The following ALMS1 variants were observed in gnomAD, a reference collection of about 807,000 sequenced individuals.
The protein encoded by ALMS1 is centrosome-associated protein ALMS1.
Under a neutral mutation model 352.2 loss-of-function variants are expected in ALMS1, and 271 were observed. The observed-to-expected ratio is 0.77, with a 90% CI of 0.70 to 0.85. ALMS1 has a LOEUF of 0.85. ALMS1 is among the 40% of genes least tolerant of loss of function. The pLI is 0.00. For synonymous variants in ALMS1, 1,865 were observed against 1,761.2 expected (o/e 1.06, Z -1.48); for missense variants, 5,445 against 4,870.7 (o/e 1.12, Z -3.51).
At chr2:73,422,064 A>G (rs1671294776) in intron 3 of ALMS1, among the ~76,000 whole-genome samples, 2 of 152,138 alleles carry the variant, frequency 1.3e-5, no homozygotes, top group South Asian at 4.1e-4. Flanking sequence ...GGTTATTGAT[A>G]TTTCCCACAT....
chr2:73,609,447 G>A, intron 22 of ALMS1, 121 bp from the exon 23 acceptor site: 1 of 943,672 alleles, frequency 1.1e-6, no homozygotes, highest in Non-Finnish European at 1.7e-6. Flanking sequence ...AGAGTAAAAT[G>A]AACAAGATTT....
In ALMS1 at chr2:73,455,120, A is replaced by T. The variant is rs185743307; in HGVS notation, c.7541-42A>T. On this transcript the variant is annotated intron_variant, in intron 8 of 22. Transcript: ENST00000613296. ...GTGTTGCAATTGTTGACAAATTATC[A>T]CTTTTGCATTGTATTATCTCAAGTG... The T allele has an allele frequency of 1.2e-4, 198 of 1,608,314 alleles. No individual in the cohort carries two copies. In the African/African-American group the frequency reaches 2.4e-3, roughly 19 times the overall value.
At chr2:73,600,596 A>T (rs1675655946) in intron 17 of ALMS1, 82 bp from the exon 18 acceptor site, 1 of 1,265,296 alleles carries the variant, frequency 7.9e-7, no homozygotes, top group African/African-American at 1.5e-5. Flanking sequence ...AACATTAAAA[A>T]GGGTTCACGT....
intron 10 of ALMS1, among the ~76,000 whole-genome samples, chr2:73,492,358 C>G (rs923310231): frequency 2.0e-5 from 3 of 152,186 alleles, no homozygotes; most frequent in Non-Finnish European, 4.4e-5. Flanking sequence ...TGCTATCCTA[C>G]TTAGTTCTCA....
intron 16 of ALMS1, among the ~76,000 whole-genome samples, chr2:73,582,627 C>T (rs186011213): frequency 1.3e-5 from 2 of 152,144 alleles, no homozygotes; most frequent in South Asian, 4.1e-4. Flanking sequence ...GCAGATTTGT[C>T]TTTTTGTGAC....
intron 1 of ALMS1, among the ~76,000 whole-genome samples, chr2:73,400,651 T>C (rs1438201405): frequency 6.6e-6 from 1 of 152,254 alleles, no homozygotes; most frequent in Non-Finnish European, 1.5e-5. Context: ...TCTATTTTTG[T>C]GTCAGATTTG....
At chr2:73,477,608 A>C (rs886545596) in intron 9 of ALMS1, among the ~76,000 whole-genome samples, 4 of 152,088 alleles carry the variant, frequency 2.6e-5, no homozygotes, top group African/African-American at 9.7e-5. Flanking sequence ...CTTTCAGTCC[A>C]TAAACATGAG....
chr2:73,405,450 A>G (rs1013951430), intron 1 of ALMS1, among the ~76,000 whole-genome samples: 1 of 151,840 alleles, frequency 6.6e-6, no homozygotes, highest in Non-Finnish European at 1.5e-5. Flanking sequence ...TCATTTCTGA[A>G]TTTAGTTATT....
At position 73,453,035 on chromosome 2, in the gene ALMS1, A is replaced by C; in HGVS notation, c.6508A>C (p.Ser2170Arg). 6.2e-7 allele frequency: 1 copy of C among 1,613,744 alleles called. No homozygotes were observed. Among genetic ancestry groups the C allele is most frequent in the Non-Finnish European group, 8.5e-7 (1 of 1,179,972 alleles). ...AACTGAAGATGCTCTAAAGATCTCA[A>C]GTGCTCTTGGGCAAGCTGATCAAAT... Reference protein sequence around the residue: ...HLTEDALKISSALGQADQITG... With the variant: ...HLTEDALKISRALGQADQITG... The change falls in exon 8 of 23, where the codon AGT (serine) becomes CGT (arginine). Residue 2170 changes from serine to arginine, a missense_variant. Coordinates refer to ENST00000613296, the MANE Select transcript of ALMS1 (RefSeq NM_001378454.1).
chr2:73,528,699 G>A (rs1372741788), intron 11 of ALMS1, among the ~76,000 whole-genome samples: 1 of 151,996 alleles, frequency 6.6e-6, no homozygotes, highest in Admixed American at 6.6e-5. Flanking sequence ...TATGTCTTTG[G>A]ATAGGAGGAT....
At chr2:73,416,428 T>C (rs1459858328) in intron 2 of ALMS1, among the ~76,000 whole-genome samples, 1 of 152,224 alleles carries the variant, frequency 6.6e-6, no homozygotes, top group East Asian at 1.9e-4. Flanking sequence ...CACATTTTTT[T>C]CTTTGCATGT....
intron 6 of ALMS1, among the ~76,000 whole-genome samples, chr2:73,426,911 T>C (rs1265606676): frequency 6.6e-6 from 1 of 152,272 alleles, no homozygotes; most frequent in Non-Finnish European, 1.5e-5. Flanking sequence ...AATTATATCC[T>C]TCAGTACCAG....
intron 12 of ALMS1, among the ~76,000 whole-genome samples, chr2:73,540,349 TA>T (rs1558686692): frequency 1.3e-5 from 2 of 152,118 alleles, no homozygotes; most frequent in African/African-American, 4.8e-5. Flanking sequence ...AGGCCTGCCC[TA>T]AAAGAGCTCC....
intron 16 of ALMS1, among the ~76,000 whole-genome samples, chr2:73,582,359 T>C (rs751211153): frequency 6.6e-6 from 1 of 152,210 alleles, no homozygotes; most frequent in African/African-American, 2.4e-5. Context: ...AGGAGAGGGG[T>C]GAATTTCTTG....
chr2:73,512,250 A>G (rs1317978372), intron 10 of ALMS1, among the ~76,000 whole-genome samples: 9 of 151,870 alleles, frequency 5.9e-5, no homozygotes, highest in African/African-American at 7.3e-5. Flanking sequence ...ACGCCTAGCT[A>G]ATTTTTATAT....
At chr2:73,433,746 G>T (rs1366866111) in intron 7 of ALMS1, among the ~76,000 whole-genome samples, 1 of 152,210 alleles carries the variant, frequency 6.6e-6, no homozygotes, top group Admixed American at 6.5e-5. Context: ...TACCTGGGCT[G>T]TTCTTTGTAG....
chr2:73,463,324 A>G (rs1481421130), intron 9 of ALMS1, among the ~76,000 whole-genome samples: 1 of 152,226 alleles, frequency 6.6e-6, no homozygotes, highest in African/African-American at 2.4e-5. Flanking sequence ...ACTACCTGGA[A>G]ACTGAATAAC....
intron 9 of ALMS1, 81 bp from the exon 10 acceptor site, chr2:73,489,553 A>G (rs1672928202): frequency 1.3e-6 from 2 of 1,530,900 alleles, no homozygotes; most frequent in Non-Finnish European, 9.0e-7. Context: ...GCGTGGGTAT[A>G]AAACTGATTT....
Position 73,449,101 on chromosome 2 carries a change from T to A in ALMS1, c.2574T>A (p.Ser858=). 2 of 1,613,980 alleles carry A rather than the reference T, an allele frequency of 1.2e-6. No individual in the cohort carries two copies. Among genetic ancestry groups the A allele is most frequent in the Non-Finnish European group, 1.7e-6 (2 of 1,179,966 alleles). Residue 858 remains serine (S), a synonymous_variant, in exon 8 of 23, where the codon TCT becomes TCA. Transcript: ENST00000613296. ...CACCAGCTGTAACCTCTACTTCCTC[T>A]GCGTCCTCTTCACTTGGAGAAAAGC... ...TGTPAVTSTS[S]ASSSLGEKPS...
Sources: allele counts gnomAD v4.1 joint callset (sites outside exome capture counted in the v4.1 genomes callset), GRCh38; gene constraint gnomAD v4.1.1; transcripts MANE v1.5; gene names NCBI Gene and HGNC (gene_info 2026-07-23, HGNC 2026-07-21).